Variants in LIMS1 observed in about 807,000 individuals in gnomAD.
LIMS1 encodes LIM and senescent cell antigen-like-containing domain protein 1.
Under a neutral mutation model 44.1 loss-of-function variants are expected in LIMS1, and 18 were observed. The observed-to-expected ratio is 0.41, with a 90% CI of 0.28 to 0.61. LIMS1 has a LOEUF of 0.61. LIMS1 is among the 20% of genes least tolerant of loss of function. The pLI is 0.32. For synonymous variants in LIMS1, 93 were observed against 149.1 expected (o/e 0.62, Z 2.74); for missense variants, 201 against 422.0 (o/e 0.48, Z 4.59).
At chr2:108,590,262 A>G (rs77035033) in intron 1 of LIMS1, among the ~76,000 whole-genome samples, 3,918 of 152,376 alleles carry the variant, frequency 0.026, 127 homozygotes, top group South Asian at 0.14. Context: ...GTGTGTATAT[A>G]TGTACATTCA....
intron 1 of LIMS1, among the ~76,000 whole-genome samples, chr2:108,561,754 T>TTG (rs1553452615): frequency 6.6e-6 from 1 of 151,104 alleles, no homozygotes; most frequent in Non-Finnish European, 1.5e-5. Flanking sequence ...TTGTTTTTTT[T>TTG]TTTTTTGAGG....
chr2:108,661,735 A>G lies in LIMS1; in HGVS notation c.192+1971A>G, dbSNP rs190507114. ...TTCAGTTAAAGGGACCTGAGGACCTACTTCTACCTCGGCACCATGGAGGCC... is the reference window on the plus strand; with the variant it reads ...TTCAGTTAAAGGGACCTGAGGACCTGCTTCTACCTCGGCACCATGGAGGCC... On this transcript the variant is annotated intron_variant, in intron 2 of 9. Coordinates refer to ENST00000544547, the Ensembl canonical transcript of LIMS1. Among the ~76,000 whole-genome samples, 480 of 152,238 alleles carry G rather than the reference A, an allele frequency of 3.2e-3. 3 individuals carry two copies. The highest frequency in any genetic ancestry group is 0.011 in the African/African-American group (468 of 41,538).
chr2:108,573,245 T>G (rs1406403615), intron 1 of LIMS1, among the ~76,000 whole-genome samples: 2 of 152,164 alleles, frequency 1.3e-5, no homozygotes, highest in Non-Finnish European at 2.9e-5. Flanking sequence ...ATTTTGTGAT[T>G]CATGGGCCAC....
At chr2:108,537,806 G>A (rs916330037) in intron 1 of LIMS1, among the ~76,000 whole-genome samples, 1 of 152,182 alleles carries the variant, frequency 6.6e-6, no homozygotes, top group Non-Finnish European at 1.5e-5. Flanking sequence ...CTAAATGTGA[G>A]TACAACAAGT....
At chr2:108,553,993 C>G (rs1425512555) in intron 1 of LIMS1, among the ~76,000 whole-genome samples, 1 of 152,118 alleles carries the variant, frequency 6.6e-6, no homozygotes. Context: ...GATAAGCAAA[C>G]CAAGACTCAG....
At chr2:108,629,993 G>T (rs1281624379) in intron 1 of LIMS1, among the ~76,000 whole-genome samples, 4 of 152,158 alleles carry the variant, frequency 2.6e-5, no homozygotes, top group African/African-American at 4.8e-5. Context: ...AGGAGTTCAA[G>T]ACCAGACTGG....
chr2:108,679,088 A>T (rs1558844656), intron 8 of LIMS1, among the ~76,000 whole-genome samples: 1 of 152,188 alleles, frequency 6.6e-6, no homozygotes, highest in South Asian at 2.1e-4. Context: ...TTAGAGAAAA[A>T]TAACAATATA....
intron 1 of LIMS1, among the ~76,000 whole-genome samples, chr2:108,652,717 G>A (rs529867053): frequency 3.9e-5 from 6 of 152,236 alleles, no homozygotes; most frequent in Admixed American, 6.5e-5. Context: ...CTGTAGTCAC[G>A]TAAGATGTGA....
At chr2:108,537,226 C>T (rs1684174341) in intron 1 of LIMS1, among the ~76,000 whole-genome samples, 1 of 152,174 alleles carries the variant, frequency 6.6e-6, no homozygotes, top group Admixed American at 6.5e-5. Flanking sequence ...TAGTTTTGAT[C>T]TCTCGGATCC....
At chr2:108,555,269 T>C (rs1558785713) in intron 1 of LIMS1, among the ~76,000 whole-genome samples, 1 of 152,176 alleles carries the variant, frequency 6.6e-6, no homozygotes, top group Admixed American at 6.5e-5. Flanking sequence ...GAAGCATAGC[T>C]GTGACCGTAT....
At chr2:108,635,151 C>G (rs201244883) in intron 1 of LIMS1, among the ~76,000 whole-genome samples, 1 of 152,140 alleles carries the variant, frequency 6.6e-6, no homozygotes, top group East Asian at 1.9e-4. Flanking sequence ...ATGGCTGTGG[C>G]TGGGCGCGGT....
At chr2:108,536,344 T>C (rs1230504264) in intron 1 of LIMS1, among the ~76,000 whole-genome samples, 1 of 152,270 alleles carries the variant, frequency 6.6e-6, no homozygotes, top group Non-Finnish European at 1.5e-5. Context: ...CGCCAGTCCC[T>C]GGCAGCCATC....
At chr2:108,583,711 T>A (rs1685983520) in intron 1 of LIMS1, among the ~76,000 whole-genome samples, 1 of 149,990 alleles carries the variant, frequency 6.7e-6, no homozygotes, top group Non-Finnish European at 1.5e-5. Flanking sequence ...TTTTTTTTTT[T>A]TTTGAGATGG....
chr2:108,569,774 T>TTTTTTTTTTTC (rs1407884320), intron 1 of LIMS1, among the ~76,000 whole-genome samples: 1 of 145,300 alleles, frequency 6.9e-6, no homozygotes, highest in East Asian at 2.3e-4. Flanking sequence ...CTTTTTTTTT[T>TTTTTTTTTTTC]TTTTTTTTTA....
chr2:108,545,266 T>C (rs1684446189), intron 1 of LIMS1, among the ~76,000 whole-genome samples: 1 of 152,180 alleles, frequency 6.6e-6, no homozygotes. Context: ...ATATATATAA[T>C]TTTGTTGCCC....
chr2:108,636,083 A>AGC (rs1689227319), intron 1 of LIMS1, among the ~76,000 whole-genome samples: 1 of 152,212 alleles, frequency 6.6e-6, no homozygotes, highest in South Asian at 2.1e-4. Context: ...GAGGAGAGAA[A>AGC]GCAAAAGAGT....
At chr2:108,568,221 G>T (rs1039349846) in intron 1 of LIMS1, among the ~76,000 whole-genome samples, 1 of 152,156 alleles carries the variant, frequency 6.6e-6, no homozygotes, top group African/African-American at 2.4e-5. Context: ...TAGTTTCTGA[G>T]AACCAATTGT....
At chr2:108,680,888 G>C (rs1692946805) in intron 9 of LIMS1, 118 bp downstream of exon 9, 2 of 1,383,306 alleles carry the variant, frequency 1.4e-6, no homozygotes, top group Non-Finnish European at 1.9e-6. Context: ...TCCTCTTTCT[G>C]TTCAGGCCTT....
intron 1 of LIMS1, among the ~76,000 whole-genome samples, chr2:108,625,075 T>TCAAA (rs1171186634): frequency 6.6e-6 from 1 of 152,192 alleles, no homozygotes; most frequent in Non-Finnish European, 1.5e-5. Context: ...TGAGACTCTC[T>TCAAA]CAAACAAACA....
Sources: allele counts gnomAD v4.1 joint callset (sites outside exome capture counted in the v4.1 genomes callset), GRCh38; gene constraint gnomAD v4.1.1; transcripts MANE v1.5; gene names NCBI Gene and HGNC (gene_info 2026-07-23, HGNC 2026-07-21).